The following TTC28 variants were observed in gnomAD, a reference collection of about 807,000 sequenced individuals.
TTC28 encodes the protein tetratricopeptide repeat protein 28.
Under a neutral mutation model 198.0 loss-of-function variants are expected in TTC28, and 61 were observed. The ratio of observed to expected loss-of-function variants is 0.31; its 90% CI spans 0.25 to 0.38. The LOEUF (loss-of-function observed/expected upper bound fraction) is 0.38. TTC28 is among the 10% of genes least tolerant of loss of function. The probability of loss-of-function intolerance (pLI) is 1.00; values close to 1 mark genes in which losing one functional copy is unlikely to be tolerated. For missense variants in TTC28, 2,678 were observed against 3,164.0 expected (o/e 0.85, Z 3.69); for synonymous variants, 1,171 against 1,297.8 (o/e 0.90, Z 2.10).
rs1943148294 is a variant in TTC28, at chr22:28,134,419, G to A, written c.1442-26016C>T. The stretch of plus-strand genomic sequence containing the variant: ...GACAATCAAACTTCTCCGAACTAAA[G>A]GAGGAAGTTCGAACCCATCACAAAG... On this transcript the variant is annotated intron_variant, in intron 6 of 22. Transcript: ENST00000397906. 2.6e-5 allele frequency among the ~76,000 whole-genome samples: 4 copies of A among 152,156 alleles called. No individual in the cohort carries two copies. In the South Asian group the frequency reaches 8.3e-4, roughly 32 times the overall value.
chr22:28,579,246 T>C (rs2050196681), intron 2 of TTC28, among the ~76,000 whole-genome samples: 2 of 150,346 alleles, frequency 1.3e-5, no homozygotes, highest in Admixed American at 6.6e-5. Context: ...TAGATATGTA[T>C]AGCTATATGT....
chr22:28,675,428 T>C (rs1052816851), intron 1 of TTC28, among the ~76,000 whole-genome samples: 1 of 151,962 alleles, frequency 6.6e-6, no homozygotes, highest in Non-Finnish European at 1.5e-5. Flanking sequence ...TTCCTCAAAA[T>C]TAAAAACTTT....
chr22:28,533,254 T>C (rs1440697454), intron 2 of TTC28, among the ~76,000 whole-genome samples: 1 of 152,098 alleles, frequency 6.6e-6, no homozygotes, highest in African/African-American at 2.4e-5. Context: ...AGCATTCCTA[T>C]ACACCAATAA....
At chr22:28,288,035 CAT>C (rs1194747848) in intron 5 of TTC28, among the ~76,000 whole-genome samples, 1 of 152,118 alleles carries the variant, frequency 6.6e-6, no homozygotes, top group African/African-American at 2.4e-5. Flanking sequence ...ATAATGTAGT[CAT>C]ATGCAATATT....
chr22:28,677,954 A>G (rs1172668095), intron 1 of TTC28, among the ~76,000 whole-genome samples: 1 of 152,008 alleles, frequency 6.6e-6, no homozygotes, highest in Non-Finnish European at 1.5e-5. Context: ...AAAAAGAAAA[A>G]GAAGAAAATT....
chr22:28,036,690 G>A (rs1382841754), intron 12 of TTC28, among the ~76,000 whole-genome samples: 2 of 152,162 alleles, frequency 1.3e-5, no homozygotes, highest in Non-Finnish European at 2.9e-5. Context: ...GAAGGAGATA[G>A]AGACATAAAA....
chr22:28,003,105 A>G (rs1458192842), intron 14 of TTC28, among the ~76,000 whole-genome samples: 1 of 152,182 alleles, frequency 6.6e-6, no homozygotes, highest in Non-Finnish European at 1.5e-5. Flanking sequence ...GACACTGTCT[A>G]TGGATGAGCT....
chr22:28,018,440 T>C (rs955045484), intron 13 of TTC28, among the ~76,000 whole-genome samples: 2 of 152,036 alleles, frequency 1.3e-5, no homozygotes, highest in Non-Finnish European at 2.9e-5. Context: ...GAGGTCAAAG[T>C]AAATCCATCA....
chr22:28,127,894 A>ATTTTT (rs35611269), intron 6 of TTC28, among the ~76,000 whole-genome samples: 1 of 137,650 alleles, frequency 7.3e-6, no homozygotes, highest in Non-Finnish European at 1.6e-5. Context: ...TGCCTGGCTA[A>ATTTTT]TTTTTTTTTT....
intron 2 of TTC28, among the ~76,000 whole-genome samples, chr22:28,568,074 G>C (rs766481442): frequency 2.6e-5 from 4 of 152,100 alleles, no homozygotes; most frequent in Non-Finnish European, 4.4e-5. Context: ...GAAAGGAAAA[G>C]TTATCATGGT....
At chr22:28,461,741 T>C (rs1313455397) in intron 2 of TTC28, among the ~76,000 whole-genome samples, 2 of 152,174 alleles carry the variant, frequency 1.3e-5, no homozygotes, top group Non-Finnish European at 2.9e-5. Flanking sequence ...CCTAAGTTTT[T>C]TGTTCCTCCA....
chr22:28,523,444 T>C (rs1253396800), intron 2 of TTC28, among the ~76,000 whole-genome samples: 1 of 152,184 alleles, frequency 6.6e-6, no homozygotes, highest in East Asian at 1.9e-4. Flanking sequence ...TCTCCCATAC[T>C]CACTCTGGGC....
intron 12 of TTC28, among the ~76,000 whole-genome samples, chr22:28,072,967 AG>A (rs1941048425): frequency 6.6e-6 from 1 of 152,200 alleles, no homozygotes; most frequent in African/African-American, 2.4e-5. Context: ...GCAGAAAGCC[AG>A]AAGCACTGAT....
At chr22:28,001,585 G>C (rs1937695404) in intron 14 of TTC28, 32 bp from the exon 15 acceptor site, 1 of 1,538,118 alleles carries the variant, frequency 6.5e-7, no homozygotes, top group Non-Finnish European at 8.8e-7. Flanking sequence ...GCTGACATGG[G>C]TGGCCCAGCA....
At chr22:28,388,309 G>T (rs1043307004) in intron 2 of TTC28, among the ~76,000 whole-genome samples, 2 of 152,202 alleles carry the variant, frequency 1.3e-5, no homozygotes, top group African/African-American at 4.8e-5. Context: ...TTTGGCTTAG[G>T]AATGACTTGG....
chr22:28,516,758 A>AT (rs1046239308), intron 2 of TTC28, among the ~76,000 whole-genome samples: 6 of 151,724 alleles, frequency 4.0e-5, no homozygotes, highest in African/African-American at 1.5e-4. Context: ...TTAAAGTATA[A>AT]TAAAAAAAAA....
chr22:28,472,552 A>ATGTGTGTG (rs3053555), intron 2 of TTC28, among the ~76,000 whole-genome samples: 110 of 114,830 alleles, frequency 9.6e-4, no homozygotes, highest in Middle Eastern at 4.7e-3. Context: ...GAAAATGTGT[A>ATGTGTGTG]TGTGTGTGTG....
At chr22:28,646,836 C>T (rs1265829962) in intron 1 of TTC28, among the ~76,000 whole-genome samples, 1 of 152,218 alleles carries the variant, frequency 6.6e-6, no homozygotes, top group East Asian at 1.9e-4. Flanking sequence ...TGCAGTCCAG[C>T]CTGGGCGACA....
chr22:28,149,286 G>A (rs1943549790), intron 6 of TTC28, among the ~76,000 whole-genome samples: 1 of 152,182 alleles, frequency 6.6e-6, no homozygotes, highest in Admixed American at 6.5e-5. Flanking sequence ...ATCAGTATGT[G>A]GAGGAGATAT....
Sources: gnomAD v4.1 joint callset for allele counts (sites outside exome capture counted in the v4.1 genomes callset) on GRCh38, gnomAD v4.1.1 for gene constraint, MANE v1.5 for transcripts, NCBI Gene and HGNC (gene_info 2026-07-23, HGNC 2026-07-21) for gene names.